Variants in PDE1C observed in about 807,000 individuals in gnomAD.
The protein encoded by PDE1C is dual specificity calcium/calmodulin-dependent 3',5'-cyclic nucleotide phosphodiesterase 1C.
A neutral mutation model predicts 93.1 loss-of-function variants in PDE1C; 62 were observed. The observed-to-expected ratio is 0.67, with a 90% confidence interval of 0.54 to 0.82. The LOEUF is 0.82. PDE1C is among the 40% of genes least tolerant of loss of function. PDE1C has a pLI of 0.00. For missense variants in PDE1C, 742 were observed against 884.6 expected (o/e 0.84, Z 2.04); for synonymous variants, 325 against 310.1 (o/e 1.05, Z -0.50).
At chr7:32,255,660 C>T (rs750417169) in intron 1 of PDE1C, among the ~76,000 whole-genome samples, 1 of 152,156 alleles carries the variant, frequency 6.6e-6, no homozygotes, top group South Asian at 2.1e-4. Flanking sequence ...GTTTGGAAAG[C>T]TTCACCAAGG....
In PDE1C at chr7:31,984,116, C is replaced by T. The variant is rs537425506; in HGVS notation, c.128+67438G>A. On this transcript the variant is annotated intron_variant, in intron 2 of 17. Coordinates refer to ENST00000396191, the MANE Select transcript of PDE1C (RefSeq NM_001191057.4). ...AGAGGAAAGGGCTAGATCAGGGGTCCGCAAACCCAAGGCCACAGACTGGTA... is the reference window on the plus strand; with the variant it reads ...AGAGGAAAGGGCTAGATCAGGGGTCTGCAAACCCAAGGCCACAGACTGGTA... Among the ~76,000 whole-genome samples the T allele has an allele frequency of 1.1e-4, 16 of 152,170 alleles. No homozygotes were observed. In the South Asian group the frequency reaches 3.3e-3, roughly 32 times the overall value.
the PDE1C span, among the ~76,000 whole-genome samples, chr7:31,679,345 A>T: frequency 6.6e-6 from 1 of 152,202 alleles, no homozygotes; most frequent in Non-Finnish European, 1.5e-5. Flanking sequence ...TCTTGAAATC[A>T]AGTGCAGAAG....
intron 2 of PDE1C, among the ~76,000 whole-genome samples, chr7:31,999,884 G>A (rs562078872): frequency 6.6e-6 from 1 of 152,278 alleles, no homozygotes; most frequent in Admixed American, 6.5e-5. Flanking sequence ...GGGAGAAAAG[G>A]AGACCCCAGG....
upstream of PDE1C, among the ~76,000 whole-genome samples, chr7:32,075,557 G>C (rs1003908028): frequency 2.0e-5 from 3 of 151,988 alleles, no homozygotes; most frequent in African/African-American, 7.3e-5. Context: ...ATAATTTGGG[G>C]CAGACTCTGT....
intron 3 of PDE1C, among the ~76,000 whole-genome samples, chr7:32,139,414 A>G (rs960011356): frequency 6.7e-6 from 1 of 149,490 alleles, no homozygotes; most frequent in Non-Finnish European, 1.5e-5. Flanking sequence ...AACTCTGTGA[A>G]GAGAATGAAC....
chr7:32,032,923 G>A (rs1261602110), intron 2 of PDE1C, among the ~76,000 whole-genome samples: 1 of 152,156 alleles, frequency 6.6e-6, no homozygotes, highest in Non-Finnish European at 1.5e-5. Flanking sequence ...CAAAGCTCGG[G>A]TACACAAGGA....
chr7:32,289,315 C>T (rs900743745), intron 1 of PDE1C, among the ~76,000 whole-genome samples: 8 of 152,134 alleles, frequency 5.3e-5, no homozygotes, highest in Non-Finnish European at 1.0e-4. Flanking sequence ...CAGGCTGAGG[C>T]AGGGGGATCG....
chr7:32,173,679 A>G (rs1188890670), intron 2 of PDE1C, among the ~76,000 whole-genome samples: 1 of 152,188 alleles, frequency 6.6e-6, no homozygotes, highest in African/African-American at 2.4e-5. Flanking sequence ...AACACACACC[A>G]TGCACATGGG....
intron 16 of PDE1C, chr7:31,784,722 C>A (rs1479387068): frequency 6.6e-6 from 1 of 152,018 alleles, no homozygotes; most frequent in African/African-American, 2.4e-5. Flanking sequence ...AAAACCTAAC[C>A]AAGCTCTACA....
intron 2 of PDE1C, among the ~76,000 whole-genome samples, chr7:32,003,884 C>T (rs932080082): frequency 1.3e-5 from 2 of 149,938 alleles, no homozygotes; most frequent in Non-Finnish European, 3.0e-5. Flanking sequence ...TGAGAGTAGA[C>T]AAAAAACAAA....
the PDE1C span, among the ~76,000 whole-genome samples, chr7:31,722,787 G>A: frequency 6.6e-6 from 1 of 152,168 alleles, no homozygotes; most frequent in South Asian, 2.1e-4. Flanking sequence ...AGGAAGCAGG[G>A]GGATGGTATG....
chr7:31,974,785 G>T (rs1354945377), intron 2 of PDE1C, among the ~76,000 whole-genome samples: 1 of 152,196 alleles, frequency 6.6e-6, no homozygotes, highest in Non-Finnish European at 1.5e-5. Flanking sequence ...AACTCTGGGG[G>T]ATGATGGAAA....
intron 3 of PDE1C, among the ~76,000 whole-genome samples, chr7:32,112,824 G>C (rs1269205202): frequency 3.7e-5 from 3 of 81,284 alleles, no homozygotes; most frequent in Non-Finnish European, 7.2e-5. Context: ...GTGTGTGTGT[G>C]TGTGTGTGTG....
At chr7:32,101,838 T>C (rs368658059) in intron 3 of PDE1C, among the ~76,000 whole-genome samples, 11 of 152,170 alleles carry the variant, frequency 7.2e-5, no homozygotes, top group African/African-American at 2.7e-4. Flanking sequence ...TGTGGAAGCA[T>C]AGTGCCAGTA....
intron 6 of PDE1C, among the ~76,000 whole-genome samples, chr7:31,872,636 T>C (rs1382948622): frequency 6.6e-6 from 1 of 152,148 alleles, no homozygotes; most frequent in Admixed American, 6.5e-5. Context: ...CAGAGGCTCA[T>C]CCCTTTGATG....
intron 1 of PDE1C, among the ~76,000 whole-genome samples, chr7:32,359,326 A>G (rs1312193931): frequency 6.6e-6 from 1 of 152,190 alleles, no homozygotes; most frequent in South Asian, 2.1e-4. Flanking sequence ...TAATTTCTAA[A>G]TAAAATCTGT....
chr7:31,979,686 A>C (rs1812129937), intron 2 of PDE1C, among the ~76,000 whole-genome samples: 1 of 152,248 alleles, frequency 6.6e-6, no homozygotes, highest in Non-Finnish European at 1.5e-5. Context: ...ATGAAAGTAA[A>C]AACATTTGCA....
intron 2 of PDE1C, among the ~76,000 whole-genome samples, chr7:31,914,273 G>T (rs556609912): frequency 1.4e-4 from 22 of 152,186 alleles, no homozygotes; most frequent in African/African-American, 4.3e-4. Flanking sequence ...AGATTATCAT[G>T]GGAAAACTCT....
chr7:32,211,610 G>A (rs1213425717), intron 1 of PDE1C, among the ~76,000 whole-genome samples: 3 of 151,926 alleles, frequency 2.0e-5, no homozygotes, highest in African/African-American at 7.3e-5. Flanking sequence ...AGAAAAGAGA[G>A]AGGGGAGGGA....
Sources: allele counts gnomAD v4.1 joint callset (sites outside exome capture counted in the v4.1 genomes callset), GRCh38; gene constraint gnomAD v4.1.1; transcripts MANE v1.5; gene names NCBI Gene and HGNC (gene_info 2026-07-23, HGNC 2026-07-21).